Variants in TEX14 observed in about 807,000 individuals in gnomAD.
The protein encoded by TEX14 is inactive serine/threonine-protein kinase TEX14.
In TEX14, 168 loss-of-function variants were observed where a neutral mutation model predicts 178.6. The observed-to-expected ratio is 0.94, with a 90% CI of 0.83 to 1.07. The LOEUF (loss-of-function observed/expected upper bound fraction) is 1.07. Ranked by LOEUF, TEX14 falls within the 50% of genes least tolerant of loss-of-function variation. The pLI is 0.00. For synonymous variants in TEX14, 626 were observed against 634.1 expected (o/e 0.99, Z 0.19); for missense variants, 1,730 against 1,753.6 (o/e 0.99, Z 0.24).
chr17:58,566,655 C>T (rs1243102345), intron 26 of TEX14, among the ~76,000 whole-genome samples: 5 of 151,426 alleles, frequency 3.3e-5, no homozygotes, highest in South Asian at 2.1e-4. Context: ...AAAAATTAGC[C>T]GGGCATGGTG....
chr17:58,557,769 T>C (rs765069663), intron 31 of TEX14, 30 bp downstream of exon 31: 141 of 1,587,510 alleles, frequency 8.9e-5, no homozygotes, highest in Non-Finnish European at 1.2e-4. Context: ...AACATGACTT[T>C]TGATCTACAA....
At position 58,557,782 on chromosome 17, in the gene TEX14, A is replaced by G. The variant is rs1410889918; in HGVS notation, c.4319+17T>C. 3 of 1,605,376 alleles carry G rather than the reference A, an allele frequency of 1.9e-6. No individual in the cohort carries two copies. ...TAAACATGACTTTTGATCTACAAAC[A>G]TCTGATATTTCATTACCTGGATGAT... On this transcript the variant is annotated intron_variant, in intron 31 of 31. Coordinates refer to ENST00000349033, the MANE Select transcript of TEX14 (RefSeq NM_031272.5).
intron 10 of TEX14, 30 bp from the exon 11 acceptor site, chr17:58,605,159 C>T: frequency 6.2e-7 from 1 of 1,607,800 alleles, no homozygotes. Flanking sequence ...AGTCAGCGCT[C>T]ATGCCTTAAA....
intron 1 of TEX14, among the ~76,000 whole-genome samples, chr17:58,670,771 TTAAA>T (rs1172249649): frequency 2.5e-4 from 2 of 7,956 alleles, no homozygotes; most frequent in Non-Finnish European, 2.3e-4. Context: ...AGACTCCCTC[TTAAA>T]AAAAAAAAAA....
At chr17:58,634,893 A>C (rs954939893) in intron 2 of TEX14, among the ~76,000 whole-genome samples, 1 of 152,182 alleles carries the variant, frequency 6.6e-6, no homozygotes, top group African/African-American at 2.4e-5. Context: ...GCACTTTGGG[A>C]GGCCGAGGCA....
intron 2 of TEX14, among the ~76,000 whole-genome samples, chr17:58,644,852 T>C (rs955692611): frequency 8.5e-5 from 12 of 141,884 alleles, no homozygotes; most frequent in African/African-American, 2.9e-4. Context: ...GGTTTCACCA[T>C]GTTGGCCAGG....
At chr17:58,610,271 G>A (rs2045713524) in intron 10 of TEX14, among the ~76,000 whole-genome samples, 1 of 152,200 alleles carries the variant, frequency 6.6e-6, no homozygotes. Flanking sequence ...AGGCCATTAG[G>A]CTCATCAGCA....
chr17:58,563,693 AGAGAGAGAG>A (rs2044332913), intron 28 of TEX14, among the ~76,000 whole-genome samples: 1 of 43,060 alleles, frequency 2.3e-5, no homozygotes. Flanking sequence ...AGAGAGAGAG[AGAGAGAGAG>A]CGCAAGATCA....
intron 1 of TEX14, among the ~76,000 whole-genome samples, chr17:58,658,260 G>C (rs1354872655): frequency 6.6e-6 from 1 of 152,140 alleles, no homozygotes; most frequent in Non-Finnish European, 1.5e-5. Context: ...TGATGAATTG[G>C]CTCTGTCTAG....
At chr17:58,652,375 C>T (rs1342107194) in intron 1 of TEX14, among the ~76,000 whole-genome samples, 1 of 152,188 alleles carries the variant, frequency 6.6e-6, no homozygotes, top group African/African-American at 2.4e-5. Flanking sequence ...CGGTTACCCT[C>T]ATGCTGTTCT....
At chr17:58,559,239 C>G (rs931294478) in intron 30 of TEX14, among the ~76,000 whole-genome samples, 1 of 152,064 alleles carries the variant, frequency 6.6e-6, no homozygotes, top group African/African-American at 2.4e-5. Flanking sequence ...TGGGCAAAAG[C>G]TTGCTTTGGA....
intron 1 of TEX14, among the ~76,000 whole-genome samples, chr17:58,668,920 G>A (rs2047257680): frequency 6.6e-6 from 1 of 152,126 alleles, no homozygotes; most frequent in Non-Finnish European, 1.5e-5. Context: ...GCAAGTGAGT[G>A]TCATTTGTTC....
intron 29 of TEX14, 99 bp from the exon 30 acceptor site, chr17:58,559,661 A>C (rs372683068): frequency 1.2e-5 from 8 of 695,636 alleles, no homozygotes; most frequent in African/African-American, 3.6e-5. Context: ...AACAACAACA[A>C]CAAAACCATA....
chr17:58,620,683 G>A (rs1844474634), intron 5 of TEX14, among the ~76,000 whole-genome samples: 1 of 151,822 alleles, frequency 6.6e-6, no homozygotes, highest in African/African-American at 2.4e-5. Flanking sequence ...TAGTAGAGAC[G>A]GGGGTTTCAC....
chr17:58,661,654 G>C, intron 1 of TEX14: 2 of 638,964 alleles, frequency 3.1e-6, no homozygotes, highest in Non-Finnish European at 5.6e-6. Flanking sequence ...CACACGTAAA[G>C]ATTCTGGCGT....
chr17:58,660,959 TC>T (rs757908859), intron 1 of TEX14: 146 of 1,123,582 alleles, frequency 1.3e-4, no homozygotes, highest in Non-Finnish European at 1.8e-4. Flanking sequence ...TATTTCCTGA[TC>T]AATGCTCTCA....
At chr17:58,570,508 T>C in intron 24 of TEX14, 24 bp from the exon 25 acceptor site, 1 of 1,476,316 alleles carries the variant, frequency 6.8e-7, no homozygotes, top group Middle Eastern at 1.7e-4. Flanking sequence ...ATAAACATGG[T>C]AACTGTCATG....
chr17:58,570,872 C>A (rs1405976921), intron 24 of TEX14, among the ~76,000 whole-genome samples: 1 of 152,024 alleles, frequency 6.6e-6, no homozygotes, highest in Non-Finnish European at 1.5e-5. Context: ...CTCAAATGAT[C>A]CACCCACTTC....
At chr17:58,623,065 A>C in intron 3 of TEX14, 53 bp from the exon 4 acceptor site, 1 of 1,538,898 alleles carries the variant, frequency 6.5e-7, no homozygotes, top group Non-Finnish European at 8.9e-7. Context: ...CCTGCATTCC[A>C]TGGAGCGGGG....
Sources: allele counts gnomAD v4.1 joint callset (sites outside exome capture counted in the v4.1 genomes callset), GRCh38; gene constraint gnomAD v4.1.1; transcripts MANE v1.5; gene names NCBI Gene and HGNC (gene_info 2026-07-23, HGNC 2026-07-21).